Variants in ASPH observed in about 807,000 individuals in gnomAD.
ASPH encodes the protein aspartyl/asparaginyl beta-hydroxylase.
Under a neutral mutation model 118.4 loss-of-function variants are expected in ASPH, and 100 were observed. The ratio of observed to expected loss-of-function variants is 0.84; its 90% CI spans 0.72 to 1.00. ASPH has a LOEUF of 1.00. Ranked by LOEUF, ASPH falls within the 50% of genes least tolerant of loss-of-function variation. The pLI, the probability that ASPH is intolerant of heterozygous loss-of-function variation, is 0.00. For synonymous variants in ASPH, 315 were observed against 325.6 expected, an observed-to-expected ratio of 0.97 and a Z score of 0.35; for missense variants, 920 against 919.5, an observed-to-expected ratio of 1.00 and a Z score of -0.01.
chr8:61,634,447 C>G (rs757083201), intron 12 of ASPH, among the ~76,000 whole-genome samples: 1 of 152,122 alleles, frequency 6.6e-6, no homozygotes, highest in Non-Finnish European at 1.5e-5. Context: ...TTTTCTAAAA[C>G]AGAAAACACT....
intron 3 of ASPH, among the ~76,000 whole-genome samples, chr8:61,665,898 G>A (rs115412609): frequency 2.6e-5 from 4 of 152,058 alleles, no homozygotes; most frequent in African/African-American, 2.4e-5. Flanking sequence ...AGGGCACCAC[G>A]AAGGCAGTGC....
intron 3 of ASPH, chr8:61,663,984 A>T: frequency 2.3e-6 from 2 of 863,934 alleles, no homozygotes; most frequent in Non-Finnish European, 2.8e-6. Context: ...AAAAGTAAAT[A>T]AATATGTTTT....
chr8:61,571,045 A>G (rs1833343554), intron 16 of ASPH, among the ~76,000 whole-genome samples: 1 of 152,210 alleles, frequency 6.6e-6, no homozygotes, highest in Non-Finnish European at 1.5e-5. Flanking sequence ...GGAATATTCC[A>G]AAGTAATTGT....
intron 20 of ASPH, among the ~76,000 whole-genome samples, chr8:61,549,248 G>C (rs932983783): frequency 1.3e-5 from 2 of 152,120 alleles, no homozygotes; most frequent in Non-Finnish European, 2.9e-5. Context: ...AGACTGAAGG[G>C]GGATAGCAAT....
At chr8:61,681,632 A>G (rs977155335) in intron 2 of ASPH, among the ~76,000 whole-genome samples, 11 of 151,986 alleles carry the variant, frequency 7.2e-5, no homozygotes, top group Non-Finnish European at 1.5e-4. Context: ...TAAAGTATAT[A>G]AAACTGGAGG....
intron 13 of ASPH, chr8:61,625,300 G>A: frequency 1.0e-6 from 1 of 985,858 alleles, no homozygotes; most frequent in Non-Finnish European, 1.2e-6. Context: ...ATCGGGCTCT[G>A]TGAGCTTTTC....
intron 14 of ASPH, among the ~76,000 whole-genome samples, chr8:61,617,553 A>C (rs1285065126): frequency 6.6e-6 from 1 of 152,196 alleles, no homozygotes; most frequent in Non-Finnish European, 1.5e-5. Context: ...TCTATAAAAC[A>C]GAGTCAGCCA....
intron 16 of ASPH, 187 bp downstream of exon 16, chr8:61,576,585 C>T: frequency 2.1e-6 from 1 of 483,720 alleles, no homozygotes; most frequent in Non-Finnish European, 3.6e-6. Context: ...GGAGGGGGAG[C>T]AGAAAAAAAT....
chr8:61,606,510 T>A (rs1420691975), intron 14 of ASPH: 3 of 152,194 alleles, frequency 2.0e-5, no homozygotes, highest in African/African-American at 7.2e-5. Flanking sequence ...TCACACAACT[T>A]GAATCAAGTT....
intron 14 of ASPH, among the ~76,000 whole-genome samples, chr8:61,615,249 A>G (rs1197325170): frequency 6.6e-6 from 1 of 152,020 alleles, no homozygotes; most frequent in African/African-American, 2.4e-5. Flanking sequence ...ATGCTCCCCA[A>G]GTCTCGGAAC....
intron 15 of ASPH, chr8:61,578,620 G>A: frequency 8.4e-6 from 13 of 1,553,946 alleles, no homozygotes; most frequent in Non-Finnish European, 1.1e-5. Context: ...ATGGCTCGGA[G>A]CAACATGGAC....
chr8:61,553,062 C>A lies in ASPH; in HGVS notation c.1595G>T (p.Gly532Val), dbSNP rs747733029. The change falls in exon 20 of 25, where the codon GGG becomes GTG. Residue 532 changes from glycine (G) to valine (V), a missense_variant. Coordinates refer to ENST00000379454, the MANE Select transcript of ASPH (RefSeq NM_004318.4). The stretch of plus-strand genomic sequence containing the variant: ...GTTCCCAACCCTCTGCATGGCATCC[C>A]CCAGGTGGAAATAAAATCTCCCATC... The part of the protein sequence containing the change: ...TDDGRFYFHL[G>V]DAMQRVGNKE... 1 of 1,613,664 alleles carries A rather than the reference C, an allele frequency of 6.2e-7. No homozygotes were observed. The highest frequency in any genetic ancestry group is 8.5e-7 in the Non-Finnish European group (1 of 1,179,708).
chr8:61,580,263 C>A (rs1293415938), intron 15 of ASPH, among the ~76,000 whole-genome samples: 1 of 152,200 alleles, frequency 6.6e-6, no homozygotes, highest in East Asian at 1.9e-4. Context: ...CTAGGCAGTG[C>A]CCCAGTGGGG....
chr8:61,512,103 T>C (rs1809078848), intron 24 of ASPH, among the ~76,000 whole-genome samples: 1 of 152,202 alleles, frequency 6.6e-6, no homozygotes, highest in Non-Finnish European at 1.5e-5. Flanking sequence ...AGCAAGGCTA[T>C]GTGATCATGT....
intron 12 of ASPH, among the ~76,000 whole-genome samples, chr8:61,636,535 C>CA (rs772793385): frequency 1.7e-4 from 26 of 152,210 alleles, no homozygotes; most frequent in Non-Finnish European, 3.4e-4. Context: ...TACAGGAGCC[C>CA]AGCACAGAAG....
At chr8:61,566,266 T>C (rs1332719078) in intron 17 of ASPH, among the ~76,000 whole-genome samples, 1 of 152,056 alleles carries the variant, frequency 6.6e-6, no homozygotes, top group African/African-American at 2.4e-5. Context: ...GTTCAAGACT[T>C]CAGTGGAGGA....
At chr8:61,592,763 C>T (rs1036123314) in intron 14 of ASPH, among the ~76,000 whole-genome samples, 1 of 152,166 alleles carries the variant, frequency 6.6e-6, no homozygotes. Flanking sequence ...GATAGGACCC[C>T]TGCTTATTTT....
chr8:61,708,331 T>C (rs1837214282), intron 1 of ASPH, among the ~76,000 whole-genome samples: 1 of 152,230 alleles, frequency 6.6e-6, no homozygotes. Flanking sequence ...CAAATTGACT[T>C]GATTCAAAGA....
At chr8:61,578,527 C>T in intron 15 of ASPH, 4 of 1,572,210 alleles carry the variant, frequency 2.5e-6, no homozygotes, top group Non-Finnish European at 3.5e-6. Flanking sequence ...AACAAGTTTG[C>T]CTCCTTCACA....
Sources: gnomAD v4.1 joint callset for allele counts (sites outside exome capture counted in the v4.1 genomes callset) on GRCh38, gnomAD v4.1.1 for gene constraint, MANE v1.5 for transcripts, NCBI Gene and HGNC (gene_info 2026-07-23, HGNC 2026-07-21) for gene names.